The following PAM variants were observed in gnomAD, a reference collection of about 807,000 sequenced individuals.
PAM encodes the protein peptidylglycine alpha-amidating monooxygenase.
Under a neutral mutation model 122.1 loss-of-function variants are expected in PAM, and 72 were observed. The observed-to-expected ratio is 0.59, with a 90% confidence interval of 0.49 to 0.72. The LOEUF (loss-of-function observed/expected upper bound fraction) is 0.72. Among genes scored for constraint, PAM ranks in the 30% least tolerant of loss-of-function variants. The probability of loss-of-function intolerance (pLI) is 0.00; values close to 1 mark genes in which losing one functional copy is unlikely to be tolerated. For missense variants in PAM, 1,106 were observed against 1,183.7 expected (o/e 0.93, Z 0.96); for synonymous variants, 389 against 404.4 (o/e 0.96, Z 0.46).
chr5:102,804,584 C>T (rs1046063378), intron 1 of PAM, among the ~76,000 whole-genome samples: 1 of 152,104 alleles, frequency 6.6e-6, no homozygotes, highest in African/African-American at 2.4e-5. Context: ...ATAATAAAGT[C>T]CCACATCCCA....
Position 103,028,239 on chromosome 5 carries a change from G to A in PAM, c.2743+1G>A, listed in dbSNP as rs774976184. ...GGAAGAGTACTGGGAAGATTTAGAG[G>A]TATGCCTATGACCTTTTAGAACCCT... On this transcript the variant is annotated splice_donor_variant, in intron 25 of 25. Coordinates refer to ENST00000438793, the MANE Select transcript of PAM (RefSeq NM_001177306.2). LOFTEE classifies it high-confidence loss of function. 1.2e-6 allele frequency: 2 copies of A among 1,601,732 alleles called. No individual in the cohort carries two copies. Among genetic ancestry groups the A allele is most frequent in the Non-Finnish European group, 1.7e-6 (2 of 1,168,892 alleles).
intron 15 of PAM, among the ~76,000 whole-genome samples, chr5:102,977,664 A>C (rs1312187968): frequency 1.4e-5 from 1 of 70,054 alleles, no homozygotes; most frequent in Non-Finnish European, 3.3e-5. Context: ...GTGCGCACAC[A>C]CACACACACA....
At chr5:102,760,518 C>T (rs908847887) in intron 1 of PAM, among the ~76,000 whole-genome samples, 4 of 152,156 alleles carry the variant, frequency 2.6e-5, no homozygotes, top group African/African-American at 4.8e-5. Flanking sequence ...AAATGGAATA[C>T]GATTTTAAAA....
At chr5:102,837,540 T>A (rs1409225394) in intron 1 of PAM, 1 of 152,222 alleles carries the variant, frequency 6.6e-6, no homozygotes, top group Non-Finnish European at 1.5e-5. Context: ...TCCTTTCTGA[T>A]ACCTAAATGA....
intron 1 of PAM, among the ~76,000 whole-genome samples, chr5:102,758,683 A>T (rs758247825): frequency 1.3e-5 from 2 of 152,090 alleles, no homozygotes; most frequent in Non-Finnish European, 2.9e-5. Context: ...TTGAATGTTT[A>T]CCTCTCCAAA....
At chr5:102,991,743 C>T (rs535985046) in intron 16 of PAM, among the ~76,000 whole-genome samples, 1 of 152,274 alleles carries the variant, frequency 6.6e-6, no homozygotes, top group African/African-American at 2.4e-5. Flanking sequence ...TCAAACTCAA[C>T]ATTCTCATTC....
At chr5:102,921,346 A>G (rs1252553213) in intron 5 of PAM, among the ~76,000 whole-genome samples, 7 of 152,244 alleles carry the variant, frequency 4.6e-5, no homozygotes, top group East Asian at 1.9e-4. Context: ...GCCAAAATAT[A>G]CTATACCATC....
Position 102,949,889 on chromosome 5 carries a change from G to A in PAM, c.725-13G>A. The stretch of plus-strand genomic sequence containing the variant: ...TTATTATATTAAATGATTAAAATTT[G>A]TGTTTATTACAGGTAAGGTAGTAAG... On this transcript the variant is annotated splice_polypyrimidine_tract_variant and intron_variant, in intron 10 of 25. Coordinates refer to ENST00000438793, the MANE Select transcript of PAM (RefSeq NM_001177306.2). 3 of 1,365,002 alleles carry A rather than the reference G, an allele frequency of 2.2e-6. No individual in the cohort carries two copies. The highest frequency in any genetic ancestry group is 2.1e-6 in the Non-Finnish European group (2 of 960,700). 84.6% of individuals were successfully genotyped at this position (1,365,002 alleles called of 1,614,324 possible).
intron 1 of PAM, among the ~76,000 whole-genome samples, chr5:102,762,070 T>C (rs1301489641): frequency 6.6e-6 from 1 of 152,228 alleles, no homozygotes; most frequent in Non-Finnish European, 1.5e-5. Flanking sequence ...CTTTGTTAAA[T>C]GTCTTTTTCT....
At chr5:102,830,332 A>G (rs1775058172) in intron 1 of PAM, among the ~76,000 whole-genome samples, 1 of 152,144 alleles carries the variant, frequency 6.6e-6, no homozygotes, top group African/African-American at 2.4e-5. Flanking sequence ...AGACTTTTCT[A>G]CAAAACTACG....
intron 3 of PAM, among the ~76,000 whole-genome samples, chr5:102,871,414 C>T (rs1299430865): frequency 6.6e-6 from 1 of 151,906 alleles, no homozygotes; most frequent in African/African-American, 2.4e-5. Flanking sequence ...TAAGACATTG[C>T]AATAATTGTG....
intron 7 of PAM, among the ~76,000 whole-genome samples, chr5:102,936,188 G>A (rs1022323937): frequency 2.0e-5 from 3 of 152,134 alleles, no homozygotes; most frequent in African/African-American, 7.2e-5. Context: ...ATGTCATGTT[G>A]GTAGCTTGAA....
chr5:102,934,180 C>G (rs925348193), intron 7 of PAM, among the ~76,000 whole-genome samples: 2 of 152,180 alleles, frequency 1.3e-5, no homozygotes, highest in African/African-American at 4.8e-5. Context: ...TACTGCTCCT[C>G]CAACCTCAGC....
rs188088526 is a variant in PAM, at chr5:102,967,937, G to C, written c.1163-6179G>C. ...GGGGTTTCACCTTGTTGGCCAGGCT[G>C]GTCTCGAACTCCTGACCTCAAGTGA... On this transcript the variant is annotated intron_variant, in intron 14 of 25. Coordinates refer to ENST00000438793, the MANE Select transcript of PAM (RefSeq NM_001177306.2). Among the ~76,000 whole-genome samples, 323 of 152,136 alleles carry C rather than the reference G, an allele frequency of 2.1e-3. 3 individuals are homozygous for C. Among genetic ancestry groups the C allele is most frequent in the African/African-American group, 7.6e-3 (317 of 41,520 alleles).
chr5:102,803,168 AG>A (rs1765288236), intron 1 of PAM, among the ~76,000 whole-genome samples: 1 of 16,968 alleles, frequency 5.9e-5, no homozygotes, highest in East Asian at 1.2e-3. Context: ...GAAGGAAGGA[AG>A]GAAGGAAGGA....
chr5:102,759,760 T>C (rs1398856983), intron 1 of PAM, among the ~76,000 whole-genome samples: 1 of 152,140 alleles, frequency 6.6e-6, no homozygotes, highest in Non-Finnish European at 1.5e-5. Flanking sequence ...AAGCACTGGC[T>C]TTGTGGAACT....
rs116439458 is a variant in PAM, at chr5:102,831,646, T to C, written c.-373-34177T>C. On this transcript the variant is annotated intron_variant, in intron 1 of 25. Transcript: ENST00000438793. The stretch of plus-strand genomic sequence containing the variant: ...AATGATATAGCTATATTTCATGCAG[T>C]TTTTAAAGCCCAGTTGATGTAGTTT... Among the ~76,000 whole-genome samples, 704 of 152,222 alleles carry C rather than the reference T, an allele frequency of 4.6e-3. 3 individuals carry two copies. The highest frequency in any genetic ancestry group is 0.016 in the African/African-American group (685 of 41,534).
intron 5 of PAM, among the ~76,000 whole-genome samples, chr5:102,923,743 T>C (rs960627493): frequency 6.6e-6 from 1 of 152,150 alleles, no homozygotes; most frequent in Non-Finnish European, 1.5e-5. Flanking sequence ...GGTTTCCATA[T>C]AGGAACTGGG....
intron 5 of PAM, among the ~76,000 whole-genome samples, chr5:102,916,908 T>G (rs944077140): frequency 4.0e-5 from 6 of 151,682 alleles, no homozygotes; most frequent in Admixed American, 2.6e-4. Flanking sequence ...AATTTTTGTA[T>G]TTTTAGTAGA....
Sources: allele counts gnomAD v4.1 joint callset (sites outside exome capture counted in the v4.1 genomes callset), GRCh38; gene constraint gnomAD v4.1.1; transcripts MANE v1.5; gene names NCBI Gene and HGNC (gene_info 2026-07-23, HGNC 2026-07-21).